PI4K2A: variants seen among roughly 807,000 people sequenced by gnomAD.
PI4K2A encodes phosphatidylinositol 4-kinase type 2 alpha.
A neutral mutation model predicts 55.0 loss-of-function variants in PI4K2A; 20 were observed. The observed-to-expected ratio is 0.36, with a 90% confidence interval of 0.26 to 0.53. The LOEUF (loss-of-function observed/expected upper bound fraction) is 0.53, where lower values mean the gene tolerates loss of function less well. Ranked by LOEUF, PI4K2A falls within the 20% of genes least tolerant of loss-of-function variation. The pLI is 0.91. For missense variants in PI4K2A, 463 were observed against 637.1 expected, an observed-to-expected ratio of 0.73 and a Z score of 2.94; for synonymous variants, 235 against 258.5, an observed-to-expected ratio of 0.91 and a Z score of 0.87.
At chr10:97,651,839 C>T (rs2041531366) in intron 2 of PI4K2A, among the ~76,000 whole-genome samples, 1 of 150,872 alleles carries the variant, frequency 6.6e-6, no homozygotes, top group South Asian at 2.1e-4. Flanking sequence ...TGACACCAGG[C>T]TAAGAACCCC....
intron 8 of PI4K2A, among the ~76,000 whole-genome samples, chr10:97,668,904 CA>C (rs2135762144): frequency 6.6e-6 from 1 of 151,988 alleles, no homozygotes; most frequent in African/African-American, 2.4e-5. Flanking sequence ...CTCACTCTGT[CA>C]CCCAGGCTGG....
At chr10:97,641,218 C>A (rs757604256) in intron 1 of PI4K2A, 41 bp downstream of exon 1, 2 of 1,492,096 alleles carry the variant, frequency 1.3e-6, no homozygotes, top group Non-Finnish European at 1.8e-6. Context: ...GGCTGAGGGC[C>A]GGCGGCGCTC....
chr10:97,672,062 G>C (rs918267181), intron 8 of PI4K2A, among the ~76,000 whole-genome samples: 3 of 140,460 alleles, frequency 2.1e-5, no homozygotes, highest in African/African-American at 7.9e-5. Flanking sequence ...TTTTTTTTTT[G>C]AGATGGAGTC....
At chr10:97,673,542 G>A (rs776472722) in intron 8 of PI4K2A, 39 bp from the exon 9 acceptor site, 2 of 1,591,770 alleles carry the variant, frequency 1.3e-6, no homozygotes, top group Non-Finnish European at 1.7e-6. Flanking sequence ...CTGGAATGCT[G>A]AGGCCTCTCC....
intron 8 of PI4K2A, among the ~76,000 whole-genome samples, chr10:97,669,921 T>C (rs1040930733): frequency 6.6e-6 from 1 of 152,202 alleles, no homozygotes; most frequent in African/African-American, 2.4e-5. Context: ...TTTTCTTTTT[T>C]TTAAAGACAG....
Position 97,656,196 on chromosome 10 carries a change from T to C in PI4K2A, c.637-89T>C, listed in dbSNP as rs1317515557. On this transcript the variant is annotated intron_variant, in intron 2 of 8. Coordinates refer to ENST00000370631, the Ensembl canonical transcript of PI4K2A. This position sits in a 1 kb window ranked among gnomAD's most constrained non-coding sequence, Gnocchi z 4.5. ...TGTGCCCTGGAAGAGGAATAGGATT[T>C]GTGAACATCAAGCTATTTATTCTCT... 2 of 1,068,576 alleles carry C rather than the reference T, an allele frequency of 1.9e-6. No individual in the cohort carries two copies. The highest frequency in any genetic ancestry group is 4.7e-4 in the Middle Eastern group (2 of 4,300). The allele number at this position is 1,068,576 out of a possible 1,614,324, so 66.2% of individuals were successfully genotyped here. A position where few individuals can be genotyped will look rare whatever the true frequency, so the allele number is the denominator to read the frequency against.
At chr10:97,642,929 CT>C (rs2041485811) in intron 1 of PI4K2A, among the ~76,000 whole-genome samples, 1 of 124,558 alleles carries the variant, frequency 8.0e-6, no homozygotes, top group Non-Finnish European at 1.6e-5. Flanking sequence ...TCCTTCCTTT[CT>C]TTCCTTTCTT....
intron 1 of PI4K2A, among the ~76,000 whole-genome samples, chr10:97,645,169 G>C (rs1031952557): frequency 3.9e-5 from 6 of 152,090 alleles, no homozygotes; most frequent in African/African-American, 1.4e-4. Context: ...GACTCACTAG[G>C]TTAAGAGGAT....
chr10:97,654,468 C>G (rs1193224938), intron 2 of PI4K2A, among the ~76,000 whole-genome samples: 1 of 151,498 alleles, frequency 6.6e-6, no homozygotes, highest in African/African-American at 2.4e-5. Context: ...CTCTCAGGTT[C>G]ATGGGAAAAA....
chr10:97,641,164 A>G (rs2135749822), exon 1 of PI4K2A: 2 of 1,604,892 alleles, frequency 1.2e-6, no homozygotes, highest in East Asian at 2.2e-5. Flanking sequence ...TACTTCGTCA[A>G]GGACCCTCAG....
chr10:97,667,157 T>G (rs1396497801), intron 8 of PI4K2A, 37 bp downstream of exon 8: 1 of 1,483,372 alleles, frequency 6.7e-7, no homozygotes, highest in South Asian at 1.1e-5. Context: ...CTTTGGCGTC[T>G]CTGGGAGTGT....
intron 4 of PI4K2A, among the ~76,000 whole-genome samples, chr10:97,661,636 A>G (rs2041584867): frequency 1.3e-5 from 2 of 151,866 alleles, no homozygotes; most frequent in South Asian, 4.2e-4. Flanking sequence ...GATTACAGGC[A>G]TGAGCCACTG....
chr10:97,664,932 C>T, exon 6 of PI4K2A: 1 of 1,614,030 alleles, frequency 6.2e-7, no homozygotes, highest in Non-Finnish European at 8.5e-7. Context: ...AGGTGGCTGC[C>T]ATAGACAATG....
At chr10:97,673,647 G>A in exon 9 of PI4K2A, 1 of 1,614,040 alleles carries the variant, frequency 6.2e-7, no homozygotes, top group South Asian at 1.1e-5. Context: ...GATGCCACCT[G>A]TGATTGTCGA....
intron 2 of PI4K2A, among the ~76,000 whole-genome samples, chr10:97,654,155 C>T (rs1159296923): frequency 2.0e-5 from 3 of 152,176 alleles, no homozygotes; most frequent in African/African-American, 7.2e-5. Flanking sequence ...CTCTCTGCTC[C>T]TATGAGGTTT....
intron 4 of PI4K2A, among the ~76,000 whole-genome samples, chr10:97,660,299 C>A (rs1354718304): frequency 8.7e-6 from 1 of 115,164 alleles, no homozygotes; most frequent in Non-Finnish European, 1.7e-5. Context: ...CCGCGCCCGG[C>A]CTTTTTTTTT....
exon 9 of PI4K2A, chr10:97,676,399 C>G (rs1466593648): frequency 6.6e-6 from 1 of 152,134 alleles, no homozygotes; most frequent in Non-Finnish European, 1.5e-5. Flanking sequence ...CTGACTACTT[C>G]CTAAGAGCCA....
chr10:97,675,628 G>A (rs1342220558), exon 9 of PI4K2A: 1 of 152,588 alleles, frequency 6.6e-6, no homozygotes, highest in Non-Finnish European at 1.5e-5. Context: ...CTAACAGGGA[G>A]CCCGGCTGCC....
chr10:97,674,073 T>G (rs2041649270), exon 9 of PI4K2A: 1 of 231,270 alleles, frequency 4.3e-6, no homozygotes, highest in Non-Finnish European at 8.3e-6. Context: ...CAATTCCCTA[T>G]TATATTCTGC....
Sources: gnomAD v4.1 joint callset for allele counts (sites outside exome capture counted in the v4.1 genomes callset) on GRCh38, gnomAD v4.1.1 for gene constraint, Gnocchi (gnomAD v3.1) non-coding constraint, MANE v1.5 for transcripts, NCBI Gene and HGNC (gene_info 2026-07-23, HGNC 2026-07-21) for gene names.